The following XPO5 variants were observed in gnomAD, a reference collection of about 807,000 sequenced individuals.
XPO5 encodes the protein exportin 5, also known as exportin-5.
A neutral mutation model predicts 160.6 loss-of-function variants in XPO5; 46 were observed. The observed-to-expected ratio is 0.29, with a 90% CI of 0.23 to 0.37. XPO5 has a LOEUF of 0.37. Ranked by LOEUF, XPO5 falls within the 10% of genes least tolerant of loss-of-function variation. XPO5 has a pLI of 1.00. For synonymous variants in XPO5, 537 were observed against 519.3 expected (o/e 1.03, Z -0.46); for missense variants, 1,090 against 1,463.9 (o/e 0.74, Z 4.17).
chr6:43,568,888 A>C (rs1473690944), intron 5 of XPO5, among the ~76,000 whole-genome samples, 151 bp from the exon 6 acceptor site: 1 of 152,276 alleles, frequency 6.6e-6, no homozygotes, highest in Non-Finnish European at 1.5e-5. Context: ...CTAAGCACGC[A>C]TAACTGATAT....
intron 12 of XPO5, among the ~76,000 whole-genome samples, chr6:43,556,895 A>T (rs1423135431): frequency 1.3e-5 from 2 of 151,554 alleles, no homozygotes; most frequent in Non-Finnish European, 2.9e-5. Context: ...TGGGACGCCA[A>T]GGCAGGTGAA....
Position 43,564,517 on chromosome 6 carries a change from G to A in XPO5, c.911+1143C>T, listed in dbSNP as rs542046718. ...GCACCCCAGCCTGGGCAATAAGAGC[G>A]AAACTCCATCTCAAAAAAAAAAAAA... On this transcript the variant is annotated intron_variant, in intron 8 of 31. Coordinates refer to ENST00000265351, the MANE Select transcript of XPO5 (RefSeq NM_020750.3). 8.7e-5 allele frequency among the ~76,000 whole-genome samples: 13 copies of A among 149,304 alleles called. No homozygotes were observed. The East Asian group carries it at 2.4e-3, about 27-fold the overall frequency.
At chr6:43,561,289 G>A in intron 9 of XPO5, 1 of 342,302 alleles carries the variant, frequency 2.9e-6, no homozygotes, top group Non-Finnish European at 5.4e-6. Flanking sequence ...AGAAATTACA[G>A]AAAGAAAAAA....
chr6:43,550,016 G>T, intron 15 of XPO5, 82 bp from the exon 16 acceptor site: 1 of 1,431,822 alleles, frequency 7.0e-7, no homozygotes, highest in South Asian at 1.2e-5. Flanking sequence ...GACTAGACTT[G>T]AATTCCTGGG....
intron 12 of XPO5, among the ~76,000 whole-genome samples, chr6:43,557,572 T>C (rs1414637985): frequency 6.6e-6 from 1 of 151,862 alleles, no homozygotes; most frequent in African/African-American, 2.4e-5. Context: ...AGACAGAAAG[T>C]AGATTACTGG....
In XPO5 at chr6:43,540,978, T is replaced by C. The variant is rs113968685; in HGVS notation, c.2342+5593A>G. Among the ~76,000 whole-genome samples, 56 of 152,276 alleles carry C rather than the reference T, an allele frequency of 3.7e-4. 1 individual carries two copies. Among genetic ancestry groups the C allele is most frequent in the Middle Eastern group, 3.4e-3 (1 of 294 alleles). On this transcript the variant is annotated intron_variant, in intron 20 of 31. Coordinates refer to ENST00000265351, the MANE Select transcript of XPO5 (RefSeq NM_020750.3). ...ATATGGATAGCACTGGAGGTCATTA[T>C]GCTAAATGAAATAAGCCAGGCACAG...
At chr6:43,529,280 C>T in intron 23 of XPO5, 2 of 1,313,304 alleles carry the variant, frequency 1.5e-6, no homozygotes, top group Non-Finnish European at 2.0e-6. Context: ...CGGTGGCTCA[C>T]ACCTGTAATC....
chr6:43,525,651 T>C, intron 28 of XPO5, 188 bp downstream of exon 28: 1 of 609,816 alleles, frequency 1.6e-6, no homozygotes. Context: ...CTCCTGCCTA[T>C]GCTGGTATGG....
In XPO5 at chr6:43,522,561, C is replaced by T. The variant is rs1793255754; in HGVS notation, c.*1307G>A. The T allele has an allele frequency of 7.2e-6, 2 of 276,502 alleles. No homozygotes were observed. The highest frequency in any genetic ancestry group is 1.1e-4 in the East Asian group (1 of 9,310). The allele number at this position is 276,502 out of a possible 1,614,324, so 17.1% of individuals were successfully genotyped here. On this transcript the variant is annotated 3_prime_UTR_variant, in exon 32 of 32. Coordinates refer to ENST00000265351, the MANE Select transcript of XPO5 (RefSeq NM_020750.3). ...CTCTTGAGATCGCCTTCACGATCCA[C>T]AGAAACCCAGAGCACCACACAGGAA... is the stretch of plus-strand genomic sequence containing the variant.
At chr6:43,537,764 A>G (rs1794424658) in intron 20 of XPO5, among the ~76,000 whole-genome samples, 1 of 152,206 alleles carries the variant, frequency 6.6e-6, no homozygotes, top group South Asian at 2.1e-4. Flanking sequence ...TTTTCAACAA[A>G]TAAATTGAAA....
intron 29 of XPO5, 21 bp from the exon 30 acceptor site, chr6:43,524,989 T>G (rs1221715164): frequency 6.2e-7 from 1 of 1,610,954 alleles, no homozygotes; most frequent in South Asian, 1.1e-5. Context: ...AACTGTGCTT[T>G]AGGGCCACAG....
At chr6:43,563,066 A>G (rs1028797866) in intron 8 of XPO5, among the ~76,000 whole-genome samples, 1 of 151,934 alleles carries the variant, frequency 6.6e-6, no homozygotes, top group Non-Finnish European at 1.5e-5. Flanking sequence ...TCAACTACTT[A>G]TAATATATAG....
chr6:43,560,315 A>G lies in XPO5; in HGVS notation c.1096-12T>C, dbSNP rs754111018. 12 of 1,585,148 alleles carry G rather than the reference A, an allele frequency of 7.6e-6. No individual in the cohort carries two copies. The highest frequency in any genetic ancestry group is 7.7e-6 in the Non-Finnish European group (9 of 1,169,426). Reference sequence around the variant, plus strand: ...GAAGAGCGTAGAAACTAAAGAGAAAAAAAAAAGAAAACGTCAAAGGATTTG... The same window carrying G: ...GAAGAGCGTAGAAACTAAAGAGAAAGAAAAAAGAAAACGTCAAAGGATTTG... On this transcript the variant is annotated splice_polypyrimidine_tract_variant and intron_variant, in intron 10 of 31. Coordinates refer to ENST00000265351, the MANE Select transcript of XPO5 (RefSeq NM_020750.3).
At chr6:43,538,137 A>ATTTTTTTT (rs1794460458) in intron 20 of XPO5, among the ~76,000 whole-genome samples, 2 of 105,634 alleles carry the variant, frequency 1.9e-5, no homozygotes, top group African/African-American at 8.7e-5. Context: ...CCTAAGAGAC[A>ATTTTTTTT]TCTTTTTTTT....
intron 13 of XPO5, chr6:43,555,408 T>A (rs934946463): frequency 6.5e-6 from 1 of 154,866 alleles, no homozygotes; most frequent in Non-Finnish European, 1.4e-5. Flanking sequence ...CTGAGTGATA[T>A]GAGAAGTCCC....
chr6:43,567,115 A>C (rs1357243096), intron 7 of XPO5, 54 bp downstream of exon 7: 11 of 1,530,812 alleles, frequency 7.2e-6, no homozygotes, highest in Non-Finnish European at 1.8e-6. Context: ...AATTAAACAC[A>C]TACACAGCCT....
At position 43,523,204 on chromosome 6, in the gene XPO5, A is replaced by T. The variant is rs1793305286; in HGVS notation, c.*664T>A. ...ACTCTAAAGGGGATGTTAGCACTAA[A>T]GACTTCCCAGCCCTGGTCCTTGGAG... On this transcript the variant is annotated 3_prime_UTR_variant, in exon 32 of 32. Transcript: ENST00000265351. 5.8e-6 allele frequency: 1 copy of T among 171,606 alleles called. No homozygotes were observed. The allele number at this position is 171,606 out of a possible 1,614,324, so 10.6% of individuals were successfully genotyped here. A position where few individuals can be genotyped will look rare whatever the true frequency, so the allele number is the denominator to read the frequency against.
At chr6:43,574,228 G>A (rs1003765407) in intron 1 of XPO5, among the ~76,000 whole-genome samples, 1 of 151,068 alleles carries the variant, frequency 6.6e-6, no homozygotes, top group Non-Finnish European at 1.5e-5. Flanking sequence ...ACTTGAGCTC[G>A]AGAAATCAAG....
At chr6:43,538,602 AT>A (rs1794495944) in intron 20 of XPO5, among the ~76,000 whole-genome samples, 1 of 152,200 alleles carries the variant, frequency 6.6e-6, no homozygotes, top group Non-Finnish European at 1.5e-5. Context: ...AAATGTGGTT[AT>A]ATTAAAAGAC....
Sources: allele counts gnomAD v4.1 joint callset (sites outside exome capture counted in the v4.1 genomes callset), GRCh38; gene constraint gnomAD v4.1.1; transcripts MANE v1.5; gene names NCBI Gene and HGNC (gene_info 2026-07-23, HGNC 2026-07-21).